RERE: variants seen among roughly 807,000 people sequenced by gnomAD.
The protein encoded by RERE is arginine-glutamic acid dipeptide repeats, also known as arginine-glutamic acid dipeptide repeats protein.
RERE carries 40 observed loss-of-function variants against 146.1 expected under a neutral mutation model. The observed-to-expected ratio is 0.27, with a 90% CI of 0.21 to 0.36. The LOEUF is 0.36. Among genes scored for constraint, RERE ranks in the 10% least tolerant of loss-of-function variants. The pLI, the probability that RERE is intolerant of heterozygous loss-of-function variation, is 1.00. For missense variants in RERE, 1,933 were observed against 2,138.7 expected (o/e 0.90, Z 1.90); for synonymous variants, 1,003 against 866.0 (o/e 1.16, Z -2.78).
chr1:8,515,380 G>C (rs72867534), intron 7 of RERE, among the ~76,000 whole-genome samples: 1 of 151,428 alleles, frequency 6.6e-6, no homozygotes, highest in Admixed American at 6.6e-5. Flanking sequence ...CAAACAGGCC[G>C]GGCGTGGTGG....
chr1:8,701,794 G>GA (rs35328669), intron 1 of RERE, among the ~76,000 whole-genome samples: 7,480 of 149,396 alleles, frequency 0.05, 595 homozygotes, highest in African/African-American at 0.17. Flanking sequence ...TACAGAGTTA[G>GA]AAAAAAAAAA....
intron 7 of RERE, among the ~76,000 whole-genome samples, chr1:8,518,497 G>C (rs1181087750): frequency 6.6e-6 from 1 of 152,216 alleles, no homozygotes; most frequent in Non-Finnish European, 1.5e-5. Flanking sequence ...GGCATCAACA[G>C]AATGAAGATC....
At chr1:8,716,299 C>CAA (rs34590852) in intron 1 of RERE, among the ~76,000 whole-genome samples, 17 of 109,570 alleles carry the variant, frequency 1.6e-4, no homozygotes, top group East Asian at 1.0e-3. Flanking sequence ...CTCATCTCTA[C>CAA]AAAAAAAAAA....
intron 2 of RERE, among the ~76,000 whole-genome samples, chr1:8,631,067 C>T (rs1455452557): frequency 6.6e-6 from 1 of 152,162 alleles, no homozygotes; most frequent in Non-Finnish European, 1.5e-5. Context: ...TCATTGCTAA[C>T]AAGGACAGTT....
At chr1:8,649,835 G>A (rs1366649093) in intron 2 of RERE, among the ~76,000 whole-genome samples, 2 of 151,988 alleles carry the variant, frequency 1.3e-5, no homozygotes, top group Admixed American at 1.3e-4. Context: ...AATAAGAATT[G>A]CTGTTTTTTT....
At chr1:8,784,578 GTA>G (rs1453141431) in intron 1 of RERE, among the ~76,000 whole-genome samples, 9 of 152,098 alleles carry the variant, frequency 5.9e-5, no homozygotes, top group Non-Finnish European at 7.4e-5. Context: ...ACGTGTATAT[GTA>G]TATGTCTTTT....
At chr1:8,561,687 G>A (rs1480730213) in intron 4 of RERE, among the ~76,000 whole-genome samples, 1 of 152,126 alleles carries the variant, frequency 6.6e-6, no homozygotes, top group African/African-American at 2.4e-5. Context: ...CCATCCTAAA[G>A]GTTTACAAAT....
intron 6 of RERE, among the ~76,000 whole-genome samples, chr1:8,553,574 T>C (rs1645966573): frequency 6.6e-6 from 1 of 152,238 alleles, no homozygotes; most frequent in African/African-American, 2.4e-5. Context: ...CAAAAGGATG[T>C]TGTATTTGAC....
chr1:8,358,591 C>T lies in RERE; in HGVS notation c.3944G>A (p.Arg1315Gln), dbSNP rs1314465774. 9 of 1,600,418 alleles carry T rather than the reference C, an allele frequency of 5.6e-6. No individual in the cohort carries two copies. Among genetic ancestry groups the T allele is most frequent in the Admixed American group, 1.7e-5 (1 of 58,568 alleles). ...CATCCTCTCCCGCAGCTCCCGCTCT[C>T]GGATCTCCCGCTCTCGGATCTCCCG... is the stretch of plus-strand genomic sequence containing the variant. Reference protein sequence around the residue: ...REREIREREIRERELRERMKP... With the variant: ...REREIREREIQERELRERMKP... The change falls in exon 20 of 23, where the codon CGA becomes CAA. Residue 1315 changes from arginine to glutamine, a missense_variant. Arg to Gln is a conservative substitution (Grantham distance 43). This residue lies in a region of RERE where 1,255 missense variants were observed against 1,153.8 expected (regional missense o/e 1.09). Transcript: ENST00000400908.
chr1:8,668,366 C>T (rs1439720386), intron 1 of RERE, among the ~76,000 whole-genome samples: 1 of 152,162 alleles, frequency 6.6e-6, no homozygotes, highest in Non-Finnish European at 1.5e-5. Context: ...CATAGGTGAC[C>T]TGCTCTGGTC....
chr1:8,369,030 T>C (rs764211726), intron 12 of RERE, among the ~76,000 whole-genome samples: 6 of 152,134 alleles, frequency 3.9e-5, no homozygotes, highest in African/African-American at 7.2e-5. Context: ...GCCCAATCTC[T>C]ACAAAAAAGT....
chr1:8,542,380 G>T (rs775926892), intron 6 of RERE, among the ~76,000 whole-genome samples: 1 of 152,220 alleles, frequency 6.6e-6, no homozygotes, highest in East Asian at 1.9e-4. Context: ...GAGTATGCAC[G>T]GTAACAACAT....
chr1:8,645,487 G>C (rs769668892), intron 2 of RERE, among the ~76,000 whole-genome samples: 7 of 151,996 alleles, frequency 4.6e-5, no homozygotes, highest in Non-Finnish European at 8.8e-5. Context: ...GCTTGAAAAA[G>C]ACTGGGAAGC....
chr1:8,529,258 C>T (rs973915764), intron 7 of RERE, among the ~76,000 whole-genome samples: 12 of 149,958 alleles, frequency 8.0e-5, no homozygotes, highest in African/African-American at 2.7e-4. Context: ...AATATATCCA[C>T]CAGCCTCCAC....
intron 1 of RERE, among the ~76,000 whole-genome samples, chr1:8,797,122 C>T (rs760747382): frequency 6.6e-6 from 1 of 152,016 alleles, no homozygotes; most frequent in Admixed American, 6.6e-5. Context: ...TGCTGTCATC[C>T]CAGCACTTTG....
In RERE at chr1:8,516,723, A is replaced by T. The variant is rs975519633; in HGVS notation, c.831-8048T>A. Among the ~76,000 whole-genome samples, 6 of 152,188 alleles carry T rather than the reference A, an allele frequency of 3.9e-5. 1 individual carries two copies. The highest frequency in any genetic ancestry group is 1.3e-4 in the Admixed American group (2 of 15,282). On this transcript the variant is annotated intron_variant, in intron 7 of 22. Transcript: ENST00000400908. ...GAACCAAAATCACACAATTAATTACAAACAGAATGATGAGAATCCATATCC... is the reference window on the plus strand; with the variant it reads ...GAACCAAAATCACACAATTAATTACTAACAGAATGATGAGAATCCATATCC...
At chr1:8,666,294 T>C (rs1459185779) in intron 1 of RERE, among the ~76,000 whole-genome samples, 1 of 152,206 alleles carries the variant, frequency 6.6e-6, no homozygotes, top group Non-Finnish European at 1.5e-5. Flanking sequence ...CCGAGGTACC[T>C]CAAGTACTTT....
Position 8,361,161 on chromosome 1 carries a change from G to T in RERE, c.2346C>A (p.Ser782=). ...GAGCCTGTGGCTGGTTAGGGGCCTG[G>T]GAGGCCGTGGGGGAGCCCTGTGGGG... The part of the protein sequence containing the change: ...AVPPQGSPTA[S]QAPNQPQAPT... Residue 782 remains serine, a synonymous_variant, in exon 18 of 23, where the codon TCC becomes TCA. Coordinates refer to ENST00000400908, the MANE Select transcript of RERE (RefSeq NM_001042681.2). The T allele has an allele frequency of 6.9e-7, 1 of 1,451,238 alleles. No individual in the cohort carries two copies. Among genetic ancestry groups the T allele is most frequent in the Non-Finnish European group, 9.0e-7 (1 of 1,107,428 alleles). 89.9% of individuals were successfully genotyped at this position (1,451,238 alleles called of 1,614,324 possible).
intron 6 of RERE, among the ~76,000 whole-genome samples, chr1:8,546,709 A>G (rs1044610481): frequency 3.9e-5 from 6 of 152,018 alleles, no homozygotes; most frequent in African/African-American, 1.4e-4. Context: ...TTAGCTGTGC[A>G]TGGTGGTGGG....
Sources: allele counts gnomAD v4.1 joint callset (sites outside exome capture counted in the v4.1 genomes callset), GRCh38; gene constraint gnomAD v4.1.1; regional missense constraint gnomAD v4.1.1; transcripts MANE v1.5; gene names NCBI Gene and HGNC (gene_info 2026-07-23, HGNC 2026-07-21).